The following CEP83 variants were observed in gnomAD, a reference collection of about 807,000 sequenced individuals.
The protein encoded by CEP83 is centrosomal protein 83.
Under a neutral mutation model 101.9 loss-of-function variants are expected in CEP83, and 70 were observed. The ratio of observed to expected loss-of-function variants is 0.69; its 90% CI spans 0.57 to 0.84. The LOEUF (loss-of-function observed/expected upper bound fraction) is 0.84, where lower values mean the gene tolerates loss of function less well. Ranked by LOEUF, CEP83 falls within the 40% of genes least tolerant of loss-of-function variation. The pLI is 0.00. For synonymous variants in CEP83, 264 were observed against 267.9 expected (o/e 0.99, Z 0.14); for missense variants, 715 against 787.2 (o/e 0.91, Z 1.10).
the CEP83 span, among the ~76,000 whole-genome samples, chr12:94,285,996 C>G: frequency 1.3e-5 from 2 of 152,158 alleles, no homozygotes; most frequent in African/African-American, 4.8e-5. Flanking sequence ...GCAAGTCTCT[C>G]CAGCAGGGAG....
chr12:94,312,777 C>T lies in CEP83; in HGVS notation c.1811+137G>A, dbSNP rs1378365194. ...GTTAGGGGGTAAAAAAAGGATAGTACATTAGGAGTTATCAAGCTGTTTTAG... is the reference window on the plus strand; with the variant it reads ...GTTAGGGGGTAAAAAAAGGATAGTATATTAGGAGTTATCAAGCTGTTTTAG... On this transcript the variant is annotated intron_variant, in intron 15 of 16. Coordinates refer to ENST00000397809, the MANE Select transcript of CEP83 (RefSeq NM_016122.3). The T allele has an allele frequency of 5.5e-6, 7 of 1,282,844 alleles. No individual in the cohort carries two copies. The South Asian group carries it at 1.3e-4, about 24-fold the overall frequency. 79.5% of individuals were successfully genotyped at this position (1,282,844 alleles called of 1,614,324 possible).
intron 11 of CEP83, among the ~76,000 whole-genome samples, chr12:94,352,647 T>C (rs1227927809): frequency 6.6e-6 from 1 of 151,696 alleles, no homozygotes; most frequent in Admixed American, 6.6e-5. Context: ...GACACAGATA[T>C]CATAAAAAAG....
chr12:94,375,144 GA>G (rs2061469948), intron 8 of CEP83, among the ~76,000 whole-genome samples: 1 of 152,064 alleles, frequency 6.6e-6, no homozygotes, highest in African/African-American at 2.4e-5. Flanking sequence ...AAGGTGGTGG[GA>G]AAGAAAAGGA....
chr12:94,382,270 T>C (rs1228382785), intron 6 of CEP83, among the ~76,000 whole-genome samples: 1 of 151,964 alleles, frequency 6.6e-6, no homozygotes, highest in Non-Finnish European at 1.5e-5. Flanking sequence ...TGCTAAAAGT[T>C]GGTCAATTTT....
chr12:94,422,721 T>G (rs1415883673), intron 2 of CEP83, among the ~76,000 whole-genome samples: 2 of 152,248 alleles, frequency 1.3e-5, no homozygotes, highest in South Asian at 4.1e-4. Flanking sequence ...CGTACTCTCA[T>G]GTATTTGCCT....
chr12:94,419,828 C>T (rs2064580448), intron 2 of CEP83, among the ~76,000 whole-genome samples: 1 of 151,902 alleles, frequency 6.6e-6, no homozygotes. Flanking sequence ...CTTTTTATTA[C>T]ACACTAAAAT....
intron 2 of CEP83, among the ~76,000 whole-genome samples, chr12:94,420,231 G>C (rs1370626287): frequency 1.3e-5 from 2 of 151,884 alleles, no homozygotes; most frequent in African/African-American, 2.4e-5. Flanking sequence ...TATCTACTAA[G>C]GTTAAAAAAA....
intron 14 of CEP83, among the ~76,000 whole-genome samples, chr12:94,322,818 G>A (rs1227578992): frequency 3.9e-5 from 6 of 152,164 alleles, no homozygotes; most frequent in African/African-American, 1.4e-4. Context: ...AAAGATGACA[G>A]CCCCATCCCT....
At chr12:94,280,044 C>A in the CEP83 span, 1 of 350,524 alleles carries the variant, frequency 2.9e-6, no homozygotes, top group Non-Finnish European at 5.6e-6. Context: ...TGATACTGAG[C>A]GTGTCATTAC....
chr12:94,287,770 G>A, the CEP83 span, among the ~76,000 whole-genome samples: 1 of 152,214 alleles, frequency 6.6e-6, no homozygotes, highest in Non-Finnish European at 1.5e-5. Context: ...AAAGGGACTG[G>A]ACAATCGCTA....
chr12:94,440,741 A>T (rs1488231566), intron 1 of CEP83, among the ~76,000 whole-genome samples: 1 of 152,328 alleles, frequency 6.6e-6, no homozygotes, highest in East Asian at 1.9e-4. Context: ...ACTAAGCACA[A>T]AGAACAGATC....
At chr12:94,343,470 CTTTTTTTTTTTTT>C (rs1161481202) in intron 11 of CEP83, among the ~76,000 whole-genome samples, 20 of 84,182 alleles carry the variant, frequency 2.4e-4, no homozygotes, top group East Asian at 3.7e-4. Flanking sequence ...TAGAAATTAA[CTTTTTTTTTTTTT>C]TTTTTTTTTT....
the CEP83 span, among the ~76,000 whole-genome samples, chr12:94,291,639 A>G: frequency 1.3e-5 from 2 of 152,350 alleles, no homozygotes; most frequent in South Asian, 4.1e-4. Flanking sequence ...TAATTTTAGA[A>G]CATTTTCATC....
chr12:94,276,446 G>A, the CEP83 span, among the ~76,000 whole-genome samples: 1 of 150,864 alleles, frequency 6.6e-6, no homozygotes, highest in South Asian at 2.1e-4. Context: ...GGAGGGTCAG[G>A]AGGGCTCCTG....
chr12:94,403,200 T>C lies in CEP83; in HGVS notation c.387A>G (p.Pro129=). The part of the protein sequence containing the change: ...RAQIQQELET[P]MRERFRNLDE... ...CTAGATTCCTAAAACGTTCTCTCAT[T>C]GGAGTTTCTAATTCTTGTTGTATTT... Residue 129 remains proline, a synonymous_variant, in exon 5 of 17, where the codon CCA becomes CCG. Coordinates refer to ENST00000397809, the MANE Select transcript of CEP83 (RefSeq NM_016122.3). 6.3e-7 allele frequency: 1 copy of C among 1,583,840 alleles called. No individual in the cohort carries two copies. The highest frequency in any genetic ancestry group is 2.2e-5 in the East Asian group (1 of 44,620).
the CEP83 span, among the ~76,000 whole-genome samples, chr12:94,291,392 TTTTG>T: frequency 6.4e-4 from 98 of 152,184 alleles, no homozygotes; most frequent in East Asian, 9.7e-4. Flanking sequence ...CTCAGCGCTT[TTTTG>T]TTTGTTTGTT....
chr12:94,408,565 C>G (rs1441667379), intron 4 of CEP83, among the ~76,000 whole-genome samples: 1 of 152,100 alleles, frequency 6.6e-6, no homozygotes, highest in Non-Finnish European at 1.5e-5. Flanking sequence ...TGACCACTTA[C>G]TAGATCAAAG....
chr12:94,441,903 A>T (rs923592284), intron 1 of CEP83, among the ~76,000 whole-genome samples: 2 of 135,272 alleles, frequency 1.5e-5, no homozygotes, highest in African/African-American at 5.7e-5. Context: ...CGACAGAGCG[A>T]GACTCCGTCT....
At chr12:94,295,202 C>A in the CEP83 span, among the ~76,000 whole-genome samples, 1 of 152,198 alleles carries the variant, frequency 6.6e-6, no homozygotes, top group Non-Finnish European at 1.5e-5. Flanking sequence ...ACACACACAG[C>A]CAGAGGTAGG....
Sources: gnomAD v4.1 joint callset for allele counts (sites outside exome capture counted in the v4.1 genomes callset) on GRCh38, gnomAD v4.1.1 for gene constraint, MANE v1.5 for transcripts, NCBI Gene and HGNC (gene_info 2026-07-23, HGNC 2026-07-21) for gene names.